Variants in COL23A1 observed in about 807,000 individuals in gnomAD.
COL23A1 encodes collagen alpha-1(XXIII) chain.
In COL23A1, 97 loss-of-function variants were observed where a neutral mutation model predicts 99.3. The observed-to-expected ratio is 0.98, with a 90% CI of 0.83 to 1.16. The LOEUF (loss-of-function observed/expected upper bound fraction) is 1.16. COL23A1 is among the 50% of genes most tolerant of loss of function. The probability of loss-of-function intolerance (pLI) is 0.00; values close to 1 mark genes in which losing one functional copy is unlikely to be tolerated. For synonymous variants in COL23A1, 320 were observed against 308.2 expected (o/e 1.04, Z -0.40); for missense variants, 762 against 757.4 (o/e 1.01, Z -0.07).
chr5:178,508,692 C>T (rs770470435), intron 2 of COL23A1, among the ~76,000 whole-genome samples: 4 of 152,102 alleles, frequency 2.6e-5, no homozygotes, highest in Admixed American at 6.5e-5. Context: ...GCCACTCCAC[C>T]AACACCATGG....
At chr5:178,360,471 G>GT (rs531261296) in intron 2 of COL23A1, among the ~76,000 whole-genome samples, 309 of 152,152 alleles carry the variant, frequency 2.0e-3, no homozygotes, top group African/African-American at 6.2e-3. Context: ...TGGGCCTCAT[G>GT]TGGGGGGGGA....
At chr5:178,403,137 ATAAAT>A (rs1764561807) in intron 2 of COL23A1, among the ~76,000 whole-genome samples, 2 of 137,056 alleles carry the variant, frequency 1.5e-5, no homozygotes, top group Non-Finnish European at 3.1e-5. Flanking sequence ...TAAATAAAAA[ATAAAT>A]ACCATTTACC....
chr5:178,293,561 G>A (rs185154861), intron 3 of COL23A1, among the ~76,000 whole-genome samples: 1 of 152,268 alleles, frequency 6.6e-6, no homozygotes, highest in East Asian at 1.9e-4. Flanking sequence ...ACGGGGGCTG[G>A]GGGTGTTTCT....
In COL23A1 at chr5:178,270,336, C is replaced by A. The variant is rs752804406; in HGVS notation, c.468+1G>T. The A allele has an allele frequency of 1.2e-6, 2 of 1,613,822 alleles. No homozygotes were observed. Among genetic ancestry groups the A allele is most frequent in the Non-Finnish European group, 1.7e-6 (2 of 1,179,914 alleles). ...CCTGGAATTGCCCTGTCATCACTTA[C>A]GGGCTTGCCATCCAAACCCAGGGGT... On this transcript the variant is annotated splice_donor_variant, in intron 6 of 28. Transcript: ENST00000390654. LOFTEE classifies it high-confidence loss of function.
chr5:178,309,323 C>T lies in COL23A1; in HGVS notation c.362-2404G>A, dbSNP rs539483875. ...GGGTAGGGTGCCTGCCTCCCAGGGTCACTGGGCGATGCCCCCTGCAGGCCT... is the reference window on the plus strand; with the variant it reads ...GGGTAGGGTGCCTGCCTCCCAGGGTTACTGGGCGATGCCCCCTGCAGGCCT... On this transcript the variant is annotated intron_variant, in intron 2 of 28. Coordinates refer to ENST00000390654, the MANE Select transcript of COL23A1 (RefSeq NM_173465.4). This position sits in a 1 kb window ranked among gnomAD's most constrained non-coding sequence, Gnocchi z 4.7. Among the ~76,000 whole-genome samples, 3 of 152,214 alleles carry T rather than the reference C, an allele frequency of 2.0e-5. No individual in the cohort carries two copies. The East Asian group carries it at 5.8e-4, about 30-fold the overall frequency.
intron 2 of COL23A1, among the ~76,000 whole-genome samples, chr5:178,489,999 C>T (rs908053453): frequency 2.6e-5 from 4 of 151,692 alleles, no homozygotes; most frequent in African/African-American, 7.3e-5. Context: ...TTTGGGAGGC[C>T]GAGGCGGGCG....
chr5:178,543,168 C>T (rs1041874875), intron 2 of COL23A1, among the ~76,000 whole-genome samples: 2 of 150,842 alleles, frequency 1.3e-5, no homozygotes, highest in African/African-American at 4.9e-5. Context: ...AGTGCAATGG[C>T]GCGATCTCGG....
chr5:178,242,160 A>T (rs1230921401), intron 26 of COL23A1, 32 bp from the exon 27 acceptor site: 1 of 1,536,840 alleles, frequency 6.5e-7, no homozygotes, highest in Non-Finnish European at 8.8e-7. Context: ...GGTATTGGTC[A>T]TGGCTGCCAG....
At chr5:178,270,493 C>A in intron 5 of COL23A1, 130 bp from the exon 6 acceptor site, 2 of 1,103,906 alleles carry the variant, frequency 1.8e-6, no homozygotes, top group Non-Finnish European at 1.3e-6. Context: ...GGGTTCAGTC[C>A]ATGTGGCCTG....
At position 178,558,000 on chromosome 5, in the gene COL23A1, A is replaced by G. The variant is rs572718; in HGVS notation, c.361+2682T>C. ...CACACCTACCAGGATGGCCTCCATC[A>G]CAGCCTGGAGTTCCTGGGACAGCAT... On this transcript the variant is annotated intron_variant, in intron 2 of 28. Transcript: ENST00000390654. Among the ~76,000 whole-genome samples, 332 of 151,458 alleles carry G rather than the reference A, an allele frequency of 2.2e-3. 2 individuals are homozygous for G. The highest frequency in any genetic ancestry group is 7.8e-3 in the African/African-American group (321 of 41,238).
chr5:178,275,400 GCTCT>G (rs1182919407), intron 5 of COL23A1, among the ~76,000 whole-genome samples: 2 of 152,228 alleles, frequency 1.3e-5, no homozygotes, highest in Admixed American at 1.3e-4. Flanking sequence ...CTGAGGCTTT[GCTCT>G]CTCCCTCCCT....
chr5:178,563,030 G>T (rs1013114841), intron 1 of COL23A1, among the ~76,000 whole-genome samples: 2 of 152,188 alleles, frequency 1.3e-5, no homozygotes, highest in Admixed American at 6.5e-5. Context: ...CTGCACCCAG[G>T]AAGTCCAGCT....
At chr5:178,239,107 C>T in intron 28 of COL23A1, 34 bp downstream of exon 28, 3 of 1,613,210 alleles carry the variant, frequency 1.9e-6, no homozygotes, top group Non-Finnish European at 2.5e-6. Flanking sequence ...CCTGCCTCTC[C>T]CAAGCCTGCC....
chr5:178,518,926 G>GGGC lies in COL23A1; in HGVS notation c.361+41753_361+41755dup, dbSNP rs1491187653. Among the ~76,000 whole-genome samples, 219 of 93,386 alleles carry GGGC rather than the reference G, an allele frequency of 2.3e-3. 3 individuals carry two copies. The highest frequency in any genetic ancestry group is 6.3e-4 in the Non-Finnish European group (31 of 49,532). The allele number at this position is 93,386 out of a possible 152,430, so 61.3% of individuals were successfully genotyped here. Reference sequence around the variant, plus strand: ...GCTGAACTCCATCCTCCCGGCGGTCGGGCGGCGGCGGCTGCGGTCGGTCGC... The same window carrying GGGC: ...GCTGAACTCCATCCTCCCGGCGGTCGGGCGGCGGCGGCGGCTGCGGTCGGTCGC... On this transcript the variant is annotated intron_variant, in intron 2 of 28. Coordinates refer to ENST00000390654, the MANE Select transcript of COL23A1 (RefSeq NM_173465.4).
At chr5:178,248,371 G>GCTAA in intron 19 of COL23A1, 117 bp from the exon 20 acceptor site, 1 of 738,010 alleles carries the variant, frequency 1.4e-6, no homozygotes, top group Middle Eastern at 2.5e-4. Flanking sequence ...TCATCAGTTA[G>GCTAA]CTGTTGCAAC....
intron 2 of COL23A1, among the ~76,000 whole-genome samples, chr5:178,519,824 C>T (rs1345468567): frequency 2.6e-5 from 4 of 151,986 alleles, no homozygotes; most frequent in South Asian, 4.2e-4. Flanking sequence ...GATAGATGGA[C>T]AGATAGATGG....
At chr5:178,260,440 C>T (rs1486999436) in intron 11 of COL23A1, among the ~76,000 whole-genome samples, 4 of 152,230 alleles carry the variant, frequency 2.6e-5, no homozygotes, top group Non-Finnish European at 4.4e-5. Flanking sequence ...AAAGGCCACA[C>T]ACTGTCTGAT....
rs573559782 is a variant in COL23A1, at chr5:178,358,369, CGT to C, written c.362-51452_362-51451del. ...TGTATTGTGTGTATGTGTATGTGTA[CGT>C]GTGTATGTCTAATGTGTGTATGTGT... On this transcript the variant is annotated intron_variant, in intron 2 of 28. Coordinates refer to ENST00000390654, the MANE Select transcript of COL23A1 (RefSeq NM_173465.4). 2.0e-4 allele frequency among the ~76,000 whole-genome samples: 26 copies of C among 128,068 alleles called. No homozygotes were observed. The East Asian group carries it at 2.2e-3, about 11-fold the overall frequency. 84.0% of individuals were successfully genotyped at this position (128,068 alleles called of 152,430 possible). A position where few individuals can be genotyped will look rare whatever the true frequency, so the allele number is the denominator to read the frequency against.
At chr5:178,364,830 A>G (rs12109608) in intron 2 of COL23A1, among the ~76,000 whole-genome samples, 35,347 of 151,986 alleles carry the variant, frequency 0.23, 4,307 homozygotes, top group East Asian at 0.47. Flanking sequence ...CCCCTCACCT[A>G]TGGGGAAGCC....
Sources: gnomAD v4.1 joint callset for allele counts (sites outside exome capture counted in the v4.1 genomes callset) on GRCh38, gnomAD v4.1.1 for gene constraint, Gnocchi (gnomAD v3.1) non-coding constraint, MANE v1.5 for transcripts, NCBI Gene and HGNC (gene_info 2026-07-23, HGNC 2026-07-21) for gene names.